The following SLIT3 variants were observed in gnomAD, a reference collection of about 807,000 sequenced individuals.
SLIT3 encodes the protein slit guidance ligand 3.
A neutral mutation model predicts 184.0 loss-of-function variants in SLIT3; 68 were observed. That is an observed-to-expected ratio of 0.37 (90% CI 0.30 to 0.45). SLIT3 has a LOEUF of 0.45. Among genes scored for constraint, SLIT3 ranks in the 20% least tolerant of loss-of-function variants. The pLI is 1.00. For missense variants in SLIT3, 1,707 were observed against 2,026.0 expected (o/e 0.84, Z 3.02); for synonymous variants, 831 against 828.6 (o/e 1.00, Z -0.05).
Position 168,838,638 on chromosome 5 carries a change from C to T in SLIT3, c.557+5946G>A, listed in dbSNP as rs77240667. Among the ~76,000 whole-genome samples, 167 of 152,252 alleles carry T rather than the reference C, an allele frequency of 1.1e-3. 2 individuals carry two copies. The East Asian group carries it at 0.023, about 21-fold the overall frequency. On this transcript the variant is annotated intron_variant, in intron 6 of 35. Transcript: ENST00000519560. ...GTGGGCAACATCGTGCTTGAATATC[C>T]TAACACCCTGTACCAGGACACCAAC...
intron 4 of SLIT3, among the ~76,000 whole-genome samples, chr5:168,984,899 T>C (rs1332847772): frequency 6.6e-6 from 1 of 152,162 alleles, no homozygotes; most frequent in Non-Finnish European, 1.5e-5. Context: ...AGGTCTAAAG[T>C]AAGACCTCTA....
At chr5:169,141,353 C>G (rs921316014) in intron 4 of SLIT3, among the ~76,000 whole-genome samples, 2 of 152,130 alleles carry the variant, frequency 1.3e-5, no homozygotes, top group African/African-American at 4.8e-5. Context: ...TGCCACCTCC[C>G]CATCTTTGAA....
intron 5 of SLIT3, among the ~76,000 whole-genome samples, chr5:168,860,552 G>C (rs1005797329): frequency 1.3e-5 from 2 of 152,078 alleles, no homozygotes; most frequent in Non-Finnish European, 2.9e-5. Context: ...TGGCAGGGGA[G>C]AGAGACTGCC....
chr5:169,220,419 A>T (rs571964166), intron 3 of SLIT3, among the ~76,000 whole-genome samples: 2 of 151,856 alleles, frequency 1.3e-5, no homozygotes, highest in African/African-American at 4.8e-5. Context: ...GGCCTTGGGG[A>T]TGTGTATTTT....
At chr5:169,155,700 G>T (rs1477989018) in intron 4 of SLIT3, among the ~76,000 whole-genome samples, 1 of 152,186 alleles carries the variant, frequency 6.6e-6, no homozygotes, top group Non-Finnish European at 1.5e-5. Context: ...AGAGTTTGCA[G>T]GGGACATGGA....
At chr5:168,987,278 T>G (rs1311227412) in intron 4 of SLIT3, among the ~76,000 whole-genome samples, 1 of 152,222 alleles carries the variant, frequency 6.6e-6, no homozygotes, top group East Asian at 1.9e-4. Context: ...GCATTCTTCC[T>G]TTATGTTCAC....
intron 8 of SLIT3, among the ~76,000 whole-genome samples, chr5:168,813,945 T>C (rs1757245679): frequency 6.6e-6 from 1 of 152,236 alleles, no homozygotes; most frequent in Admixed American, 6.5e-5. Context: ...TGCCCAGGGA[T>C]GGCTTAATTG....
chr5:168,805,265 G>A (rs1217684188), intron 9 of SLIT3, among the ~76,000 whole-genome samples: 3 of 151,988 alleles, frequency 2.0e-5, no homozygotes, highest in African/African-American at 7.3e-5. Context: ...GGAGTCAATG[G>A]TCATCAATTG....
chr5:169,116,560 G>C (rs1300981679), intron 4 of SLIT3, among the ~76,000 whole-genome samples: 8 of 152,194 alleles, frequency 5.3e-5, no homozygotes, highest in Admixed American at 2.6e-4. Flanking sequence ...CATTATGAAA[G>C]CTATGCTGAC....
At chr5:168,866,767 G>T (rs78386893) in intron 5 of SLIT3, among the ~76,000 whole-genome samples, 17 of 152,308 alleles carry the variant, frequency 1.1e-4, no homozygotes, top group Non-Finnish European at 2.4e-4. Context: ...TTTAAAGAAG[G>T]ATAATCCCAC....
intron 4 of SLIT3, among the ~76,000 whole-genome samples, chr5:169,064,337 T>A (rs1310284521): frequency 6.6e-6 from 1 of 152,202 alleles, no homozygotes; most frequent in Non-Finnish European, 1.5e-5. Flanking sequence ...TGGAAACTTG[T>A]CTTCTCTGAT....
intron 4 of SLIT3, among the ~76,000 whole-genome samples, chr5:169,169,426 A>AT (rs1043660570): frequency 1.3e-5 from 2 of 152,196 alleles, no homozygotes; most frequent in South Asian, 2.1e-4. Context: ...GAAAACACAC[A>AT]TTTTTTTCTG....
At chr5:168,988,782 C>A (rs113348765) in intron 4 of SLIT3, among the ~76,000 whole-genome samples, 3,578 of 152,240 alleles carry the variant, frequency 0.024, 55 homozygotes, top group Middle Eastern at 0.044. Context: ...GACCCCCCCC[C>A]AGGGGCAGGC....
At chr5:169,289,566 G>C (rs911660995) in intron 1 of SLIT3, among the ~76,000 whole-genome samples, 10 of 152,250 alleles carry the variant, frequency 6.6e-5, no homozygotes, top group African/African-American at 2.4e-4. Flanking sequence ...GACGAAGTCT[G>C]AGGTTGTTTC....
intron 20 of SLIT3, among the ~76,000 whole-genome samples, chr5:168,747,410 T>G (rs1038545969): frequency 1.3e-5 from 2 of 152,212 alleles, no homozygotes; most frequent in African/African-American, 4.8e-5. Flanking sequence ...CTCTCCAATG[T>G]GAGCAGAGTA....
intron 4 of SLIT3, among the ~76,000 whole-genome samples, chr5:169,125,553 C>T (rs750489681): frequency 2.0e-5 from 3 of 152,190 alleles, no homozygotes; most frequent in Non-Finnish European, 2.9e-5. Flanking sequence ...CCCTGACTCC[C>T]ACTGGTCACT....
At chr5:169,278,079 T>A (rs1265168698) in intron 1 of SLIT3, among the ~76,000 whole-genome samples, 1 of 152,212 alleles carries the variant, frequency 6.6e-6, no homozygotes, top group Admixed American at 6.5e-5. Context: ...CTCTCCTGCT[T>A]ACAATATTGT....
chr5:168,671,349 G>A lies in SLIT3; in HGVS notation c.3976C>T (p.Leu1326=). 2 of 1,614,150 alleles carry A rather than the reference G, an allele frequency of 1.2e-6. No homozygotes were observed. Among genetic ancestry groups the A allele is most frequent in the East Asian group, 2.2e-5 (1 of 44,876 alleles). The change falls in exon 34 of 36, where the codon CTG becomes TTG. Residue 1326 remains leucine, a synonymous_variant. Coordinates refer to ENST00000519560, the MANE Select transcript of SLIT3 (RefSeq NM_003062.4). ...QDFKALPPQS[L]GVSPGCKSCT... is the part of the protein sequence containing the mutation. Reference sequence around the variant, plus strand: ...GACTTGCAGCCTGGTGACACCCCCAGGGACTGTGGTGGGAGGGCCTTGAAG... The same window carrying A: ...GACTTGCAGCCTGGTGACACCCCCAAGGACTGTGGTGGGAGGGCCTTGAAG...
At chr5:169,147,143 G>C (rs749399978) in intron 4 of SLIT3, among the ~76,000 whole-genome samples, 1 of 152,210 alleles carries the variant, frequency 6.6e-6, no homozygotes, top group Non-Finnish European at 1.5e-5. Context: ...CTATTTCTGA[G>C]GCTAGATACA....
Sources: gnomAD v4.1 joint callset for allele counts (sites outside exome capture counted in the v4.1 genomes callset) on GRCh38, gnomAD v4.1.1 for gene constraint, MANE v1.5 for transcripts, NCBI Gene and HGNC (gene_info 2026-07-23, HGNC 2026-07-21) for gene names.